Variants in IRX2 observed in about 807,000 individuals in gnomAD.
The protein encoded by IRX2 is iroquois-class homeodomain protein IRX-2.
In IRX2, 26 loss-of-function variants were observed where a neutral mutation model predicts 42.9. The observed-to-expected ratio is 0.61, with a 90% confidence interval of 0.44 to 0.84. The LOEUF (loss-of-function observed/expected upper bound fraction) is 0.84, where lower values mean the gene tolerates loss of function less well. IRX2 is among the 40% of genes least tolerant of loss of function. The pLI is 0.00. For synonymous variants in IRX2, 424 were observed against 353.9 expected, an observed-to-expected ratio of 1.20 and a Z score of -2.22; for missense variants, 782 against 713.9, an observed-to-expected ratio of 1.10 and a Z score of -1.09.
chr5:2,739,621 C>T, the IRX2 span, among the ~76,000 whole-genome samples: 3 of 152,346 alleles, frequency 2.0e-5, no homozygotes, highest in African/African-American at 7.2e-5. Context: ...GGGCCCTGAA[C>T]CCCCGCCGCC....
Position 2,748,379 on chromosome 5 carries a change from G to C in IRX2, c.1329C>G (p.Tyr443Ter). The stretch of plus-strand genomic sequence containing the variant: ...GCTCGTAGCCGCCGCCCGGGGACCG[G>C]TAGTGGGACTCGAGCGGGTGCGCGC... ...KAGAHPLESHYRSPGGGYEPK... is the reference protein window; with the variant it reads ...KAGAHPLESH The change falls in exon 3 of 4, where the codon TAC becomes TAG. Residue 443 changes from tyrosine (Y) to a stop codon, truncating the protein, a stop_gained. Coordinates refer to ENST00000302057, the MANE Select transcript of IRX2 (RefSeq NM_033267.5). LOFTEE classifies it high-confidence loss of function. 1.4e-6 allele frequency: 2 copies of C among 1,473,276 alleles called. No homozygotes were observed. Among genetic ancestry groups the C allele is most frequent in the Non-Finnish European group, 1.8e-6 (2 of 1,118,352 alleles). 91.3% of individuals were successfully genotyped at this position (1,473,276 alleles called of 1,614,324 possible). A position where few individuals can be genotyped will look rare whatever the true frequency, so the allele number is the denominator to read the frequency against.
downstream of IRX2, among the ~76,000 whole-genome samples, chr5:2,741,339 CTATT>C (rs1737534881): frequency 6.6e-6 from 1 of 151,854 alleles, no homozygotes; most frequent in African/African-American, 2.4e-5. Context: ...CAGCTGTGCT[CTATT>C]TGTTTGTCAT....
At chr5:2,744,691 C>T (rs1737618943), downstream of IRX2, among the ~76,000 whole-genome samples, 1 of 152,182 alleles carries the variant, frequency 6.6e-6, no homozygotes, top group South Asian at 2.1e-4. Flanking sequence ...AGCTCAGCTC[C>T]ACACACGCTC....
chr5:2,739,302 G>A, the IRX2 span, among the ~76,000 whole-genome samples: 7 of 148,610 alleles, frequency 4.7e-5, no homozygotes, highest in African/African-American at 1.5e-4. Context: ...CGCGTACGTC[G>A]TTCTCAGTGC....
At chr5:2,743,107 T>G (rs1219141080), downstream of IRX2, among the ~76,000 whole-genome samples, 2 of 152,256 alleles carry the variant, frequency 1.3e-5, no homozygotes, top group East Asian at 1.9e-4. Flanking sequence ...AACTCCAGAA[T>G]GAGATCCGCG....
chr5:2,748,874 C>T lies in IRX2; in HGVS notation c.834G>A (p.Ala278=), dbSNP rs532058382. The T allele has an allele frequency of 3.8e-6, 6 of 1,593,938 alleles. No individual in the cohort carries two copies. The highest frequency in any genetic ancestry group is 1.3e-5 in the African/African-American group (1 of 74,530). ...GCGACGAGGTCACGGGCTTGGGCGG[C>T]GCCAGGCCCCGCTCGCCCTCCTCGT... ...DDDEEGERGL[A]PPKPVTSSPL... Residue 278 remains alanine, a synonymous_variant, in exon 3 of 4, where the codon GCG becomes GCA. Transcript: ENST00000302057.
intron 1 of IRX2, 141 bp from the exon 2 acceptor site, chr5:2,749,928 A>C: frequency 1.2e-6 from 1 of 853,426 alleles, no homozygotes; most frequent in Non-Finnish European, 1.8e-6. Context: ...GCCGCAAAAG[A>C]GCAGGAAAAA....
At chr5:2,750,507 C>G (rs1055763595) in intron 1 of IRX2, among the ~76,000 whole-genome samples, 1 of 152,232 alleles carries the variant, frequency 6.6e-6, no homozygotes, top group African/African-American at 2.4e-5. Context: ...CGAGCCGCCC[C>G]CAGGTCGCCG....
chr5:2,750,813 A>G (rs1230538641), intron 1 of IRX2, among the ~76,000 whole-genome samples: 4 of 152,132 alleles, frequency 2.6e-5, no homozygotes, highest in Non-Finnish European at 5.9e-5. Flanking sequence ...GCCCGCTCCG[A>G]ACGCCTCCCC....
the IRX2 span, among the ~76,000 whole-genome samples, chr5:2,738,565 G>C: frequency 6.6e-6 from 1 of 152,062 alleles, no homozygotes; most frequent in Non-Finnish European, 1.5e-5. Flanking sequence ...GGCTCAGTGG[G>C]CTGTTCCCAG....
chr5:2,736,898 T>A, the IRX2 span: 3 of 152,252 alleles, frequency 2.0e-5, no homozygotes, highest in African/African-American at 7.2e-5. Context: ...TGAAAACGTA[T>A]TTTCCAAGGC....
chr5:2,744,520 T>C (rs1737615891), downstream of IRX2, among the ~76,000 whole-genome samples: 1 of 152,170 alleles, frequency 6.6e-6, no homozygotes, highest in African/African-American at 2.4e-5. Flanking sequence ...AAAATCATTA[T>C]CTCTATGAAA....
intron 1 of IRX2, among the ~76,000 whole-genome samples, chr5:2,750,579 C>G (rs975156350): frequency 6.6e-6 from 1 of 152,180 alleles, no homozygotes; most frequent in African/African-American, 2.4e-5. Context: ...CACGCGCCCG[C>G]AAGCACGATA....
chr5:2,738,918 G>A, the IRX2 span, among the ~76,000 whole-genome samples: 1 of 152,208 alleles, frequency 6.6e-6, no homozygotes. Context: ...TAATGGCTGT[G>A]GCTGGAGACC....
At chr5:2,740,912 A>G (rs1003836502), downstream of IRX2, among the ~76,000 whole-genome samples, 1 of 151,948 alleles carries the variant, frequency 6.6e-6, no homozygotes, top group Non-Finnish European at 1.5e-5. Context: ...GAGCTTACTG[A>G]GCACCCGGCC....
In IRX2 at chr5:2,748,641, G is replaced by A. The variant is rs1349932792; in HGVS notation, c.1067C>T (p.Ala356Val). ...GPGCGPPGLPAAAAPASTGAP... is the reference protein window; with the variant it reads ...GPGCGPPGLPVAAAPASTGAP... Reference sequence around the variant, plus strand: ...CCCGGTTGAGGCCGGCGCGGCGGCCGCGGGCAGCCCCGGTGGCCCGCAGCC... The same window carrying A: ...CCCGGTTGAGGCCGGCGCGGCGGCCACGGGCAGCCCCGGTGGCCCGCAGCC... The change falls in exon 3 of 4, where the codon GCG becomes GTG. Residue 356 changes from alanine (A) to valine (V), a missense_variant. Transcript: ENST00000302057. 3.5e-6 allele frequency: 5 copies of A among 1,422,568 alleles called. No homozygotes were observed. In the African/African-American group the frequency reaches 4.5e-5, roughly 13 times the overall value. 88.1% of individuals were successfully genotyped at this position (1,422,568 alleles called of 1,614,324 possible).
At chr5:2,736,496 A>T in the IRX2 span, among the ~76,000 whole-genome samples, 123 of 152,278 alleles carry the variant, frequency 8.1e-4, no homozygotes, top group African/African-American at 2.6e-3. Flanking sequence ...TAGAAGAAAA[A>T]TTTTTTTGGA....
At chr5:2,750,979 G>A (rs1737938067) in intron 1 of IRX2, among the ~76,000 whole-genome samples, 186 bp downstream of exon 1, 1 of 151,698 alleles carries the variant, frequency 6.6e-6, no homozygotes, top group Non-Finnish European at 1.5e-5. Context: ...CCCGCCTGCC[G>A]CGCTGCCCTC....
the IRX2 span, among the ~76,000 whole-genome samples, chr5:2,740,509 G>A: frequency 6.6e-6 from 1 of 152,194 alleles, no homozygotes; most frequent in Non-Finnish European, 1.5e-5. Flanking sequence ...GCCTAGAGGT[G>A]AAGGAGCCCT....
Sources: allele counts gnomAD v4.1 joint callset (sites outside exome capture counted in the v4.1 genomes callset), GRCh38; gene constraint gnomAD v4.1.1; transcripts MANE v1.5; gene names NCBI Gene and HGNC (gene_info 2026-07-23, HGNC 2026-07-21).